DGKH: variants seen among roughly 807,000 people sequenced by gnomAD.
DGKH encodes diacylglycerol kinase eta.
DGKH carries 90 observed loss-of-function variants against 159.3 expected under a neutral mutation model. The ratio of observed to expected loss-of-function variants is 0.57; its 90% CI spans 0.48 to 0.67. The LOEUF is 0.67. Among genes scored for constraint, DGKH ranks in the 30% least tolerant of loss-of-function variants. DGKH has a pLI of 0.00. For synonymous variants in DGKH, 536 were observed against 553.8 expected (o/e 0.97, Z 0.45); for missense variants, 1,181 against 1,506.1 (o/e 0.78, Z 3.57).
chr13:42,203,483 A>AAG (rs1443098472), intron 20 of DGKH, among the ~76,000 whole-genome samples: 11 of 152,222 alleles, frequency 7.2e-5, no homozygotes, highest in African/African-American at 2.7e-4. Flanking sequence ...CAGATGAGCA[A>AAG]AGTGAAGCTC....
chr13:42,215,796 C>A, intron 26 of DGKH, 129 bp downstream of exon 26: 1 of 714,574 alleles, frequency 1.4e-6, no homozygotes, highest in South Asian at 2.2e-5. Flanking sequence ...CTGAGAGCTG[C>A]CTCTTCACCT....
chr13:42,185,887 A>T (rs1474736154), intron 13 of DGKH, among the ~76,000 whole-genome samples: 2 of 152,200 alleles, frequency 1.3e-5, no homozygotes, highest in African/African-American at 2.4e-5. Context: ...TTCAAATAAA[A>T]TCTAGAAATG....
intron 25 of DGKH, 92 bp downstream of exon 25, chr13:42,214,704 A>G: frequency 1.6e-6 from 2 of 1,232,506 alleles, no homozygotes; most frequent in Non-Finnish European, 2.2e-6. Flanking sequence ...GCCCTGTGAC[A>G]GAAAGTTATG....
intron 1 of DGKH, among the ~76,000 whole-genome samples, chr13:42,118,926 A>G (rs1252626892): frequency 6.6e-6 from 1 of 152,236 alleles, no homozygotes; most frequent in Non-Finnish European, 1.5e-5. Context: ...TTAAAACAGT[A>G]CTTTTAGAAC....
chr13:42,207,126 C>T (rs8001077), intron 21 of DGKH, among the ~76,000 whole-genome samples: 4,377 of 29,538 alleles, frequency 0.15, 638 homozygotes, highest in South Asian at 0.21. Context: ...TTTCTCTCTC[C>T]TTCCTTCCTT....
At chr13:42,198,456 A>G (rs747527636) in intron 17 of DGKH, 22 bp from the exon 18 acceptor site, 2 of 1,599,294 alleles carry the variant, frequency 1.3e-6, no homozygotes, top group Non-Finnish European at 1.7e-6. Flanking sequence ...GCGATCCCAT[A>G]TGTGTTTGCT....
intron 13 of DGKH, among the ~76,000 whole-genome samples, chr13:42,183,364 A>C (rs1956826791): frequency 6.6e-6 from 1 of 152,218 alleles, no homozygotes; most frequent in Admixed American, 6.5e-5. Flanking sequence ...TGACATATAC[A>C]GTAAAGCACC....
intron 1 of DGKH, among the ~76,000 whole-genome samples, chr13:42,054,963 G>A (rs935840532): frequency 6.6e-6 from 1 of 152,162 alleles, no homozygotes; most frequent in Non-Finnish European, 1.5e-5. Context: ...GTGTTGCTGT[G>A]TTCCAACAAA....
intron 13 of DGKH, among the ~76,000 whole-genome samples, chr13:42,186,595 A>G (rs1437787358): frequency 6.6e-6 from 1 of 152,226 alleles, no homozygotes; most frequent in East Asian, 1.9e-4. Flanking sequence ...CTTTCTCTTC[A>G]GTAATAATAT....
At chr13:42,125,537 T>G (rs936192230) in intron 1 of DGKH, among the ~76,000 whole-genome samples, 1 of 152,326 alleles carries the variant, frequency 6.6e-6, no homozygotes, top group Admixed American at 6.5e-5. Flanking sequence ...GAGCCTGGCT[T>G]GAAATCTGTC....
At chr13:42,047,497 T>C (rs1038919925), upstream of DGKH, among the ~76,000 whole-genome samples, 1 of 152,250 alleles carries the variant, frequency 6.6e-6, no homozygotes, top group South Asian at 2.1e-4. Flanking sequence ...TTTAAAAATA[T>C]AGCTAACACC....
intron 16 of DGKH, among the ~76,000 whole-genome samples, chr13:42,191,531 T>A (rs980989411): frequency 6.6e-6 from 1 of 152,106 alleles, no homozygotes; most frequent in Admixed American, 6.5e-5. Flanking sequence ...ATTGTCTTCA[T>A]ACAATGAAAA....
chr13:42,121,066 TAC>T (rs377628213), intron 1 of DGKH, among the ~76,000 whole-genome samples: 6,296 of 144,652 alleles, frequency 0.044, 338 homozygotes, highest in African/African-American at 0.13. Flanking sequence ...ATATATATTA[TAC>T]ACACACACAC....
intron 1 of DGKH, among the ~76,000 whole-genome samples, chr13:42,082,705 C>T (rs2253650): frequency 0.84 from 127,637 of 152,172 alleles, 54,046 homozygotes; most frequent in African/African-American, 0.93. Context: ...TCTAAATTTA[C>T]TAAGAGAAAG....
rs149732114 is a variant in DGKH, at chr13:42,137,635, A to G, written c.384+8003A>G. On this transcript the variant is annotated intron_variant, in intron 3 of 29. Transcript: ENST00000337343. ...GTTCAGTTGTTTTTTCTACAAGTCAAGCAGAGTCTTATGCTGCATCACCAG... is the reference window on the plus strand; with the variant it reads ...GTTCAGTTGTTTTTTCTACAAGTCAGGCAGAGTCTTATGCTGCATCACCAG... Among the ~76,000 whole-genome samples, 225 of 152,342 alleles carry G rather than the reference A, an allele frequency of 1.5e-3. 1 individual carries two copies. The highest frequency in any genetic ancestry group is 5.1e-3 in the African/African-American group (213 of 41,580).
chr13:42,181,785 G>T (rs1455638976), intron 13 of DGKH: 2 of 511,352 alleles, frequency 3.9e-6, no homozygotes, highest in South Asian at 1.8e-5. Flanking sequence ...GGATGCAGCA[G>T]CAGGAGACTC....
At chr13:42,228,787 T>C (rs1958213554) in intron 29 of DGKH, among the ~76,000 whole-genome samples, 1 of 152,090 alleles carries the variant, frequency 6.6e-6, no homozygotes, top group Non-Finnish European at 1.5e-5. Context: ...CCACTGTGTA[T>C]AATTATGAGA....
chr13:42,207,122 TCTCC>T (rs1399898435), intron 21 of DGKH, among the ~76,000 whole-genome samples: 6,243 of 47,992 alleles, frequency 0.13, 1,025 homozygotes, highest in South Asian at 0.15. Flanking sequence ...TCTCTTTCTC[TCTCC>T]TTCCTTCCTT....
intron 3 of DGKH, among the ~76,000 whole-genome samples, chr13:42,131,437 C>T (rs1009439191): frequency 6.6e-6 from 1 of 152,042 alleles, no homozygotes; most frequent in Non-Finnish European, 1.5e-5. Context: ...CAGCATTGAA[C>T]GGGAGACAGA....
Sources: gnomAD v4.1 joint callset for allele counts (sites outside exome capture counted in the v4.1 genomes callset) on GRCh38, gnomAD v4.1.1 for gene constraint, MANE v1.5 for transcripts, NCBI Gene and HGNC (gene_info 2026-07-23, HGNC 2026-07-21) for gene names.